Variants in MTA3 observed in about 807,000 individuals in gnomAD.
The protein encoded by MTA3 is metastasis associated 1 family member 3, also known as metastasis-associated protein MTA3.
A neutral mutation model predicts 83.5 loss-of-function variants in MTA3; 34 were observed. The observed-to-expected ratio is 0.41, with a 90% CI of 0.31 to 0.54. MTA3 has a LOEUF of 0.54. MTA3 is among the 20% of genes least tolerant of loss of function. The pLI is 0.33. For synonymous variants in MTA3, 303 were observed against 252.7 expected, an observed-to-expected ratio of 1.20 and a Z score of -1.89; for missense variants, 761 against 726.4, an observed-to-expected ratio of 1.05 and a Z score of -0.55.
At chr2:42,694,364 T>C (rs1693185909) in intron 9 of MTA3, among the ~76,000 whole-genome samples, 1 of 152,098 alleles carries the variant, frequency 6.6e-6, no homozygotes, top group Non-Finnish European at 1.5e-5. Flanking sequence ...TAGGCTGTCT[T>C]CTAAGTTTAC....
chr2:42,616,976 C>T (rs1397460410), intron 4 of MTA3, among the ~76,000 whole-genome samples: 3 of 152,106 alleles, frequency 2.0e-5, no homozygotes, highest in African/African-American at 7.2e-5. Flanking sequence ...GCAAGGGTGG[C>T]TTGTTCTGAG....
chr2:42,624,421 A>C (rs2104213925), intron 4 of MTA3, among the ~76,000 whole-genome samples: 1 of 152,200 alleles, frequency 6.6e-6, no homozygotes, highest in Middle Eastern at 3.4e-3. Context: ...TCCTGGGTTC[A>C]AGCAGTTCTC....
At chr2:42,607,245 G>A (rs1206290223) in intron 3 of MTA3, among the ~76,000 whole-genome samples, 5 of 152,304 alleles carry the variant, frequency 3.3e-5, no homozygotes, top group African/African-American at 1.2e-4. Context: ...TCAGTTAACT[G>A]TAGAGTAGAG....
chr2:42,552,681 G>T (rs1296069744), intron 2 of MTA3, among the ~76,000 whole-genome samples: 1 of 151,994 alleles, frequency 6.6e-6, no homozygotes, highest in Non-Finnish European at 1.5e-5. Flanking sequence ...GCCAGGCGTG[G>T]TGGCTCATGC....
chr2:42,655,074 A>G (rs1689049584), intron 6 of MTA3, among the ~76,000 whole-genome samples: 1 of 152,128 alleles, frequency 6.6e-6, no homozygotes, highest in South Asian at 2.1e-4. Flanking sequence ...TTGTGAAGGA[A>G]CTCTTAAAGG....
chr2:42,640,336 C>T, intron 5 of MTA3, 100 bp downstream of exon 5: 1 of 810,420 alleles, frequency 1.2e-6, no homozygotes, highest in Non-Finnish European at 1.9e-6. Context: ...TATTATTCCA[C>T]CATTATATTA....
chr2:42,543,648 T>A (rs1676623632), intron 2 of MTA3, among the ~76,000 whole-genome samples: 1 of 48,854 alleles, frequency 2.0e-5, no homozygotes, highest in South Asian at 8.2e-4. Flanking sequence ...AGGTTACTGA[T>A]TTTTTTTTTT....
chr2:42,643,045 C>G (rs376328638), intron 5 of MTA3, among the ~76,000 whole-genome samples: 19 of 107,132 alleles, frequency 1.8e-4, no homozygotes, highest in Middle Eastern at 5.1e-3. Flanking sequence ...CCCCCCCCCC[C>G]CTTTTTTTTT....
intron 13 of MTA3, 114 bp from the exon 14 acceptor site, chr2:42,708,760 T>C: frequency 2.7e-6 from 3 of 1,099,370 alleles, no homozygotes; most frequent in South Asian, 3.0e-5. Context: ...AGTGACGTTA[T>C]AGATGCTTCA....
chr2:42,618,868 C>G (rs1286483596), intron 4 of MTA3, among the ~76,000 whole-genome samples: 1 of 152,176 alleles, frequency 6.6e-6, no homozygotes, highest in Non-Finnish European at 1.5e-5. Flanking sequence ...GCCTCGGCCT[C>G]CCAAAGTATT....
At chr2:42,695,694 A>G (rs1573653961) in intron 9 of MTA3, 71 bp from the exon 10 acceptor site, 3 of 621,652 alleles carry the variant, frequency 4.8e-6, no homozygotes, top group Non-Finnish European at 7.9e-6. Context: ...AGTACTTTCT[A>G]TAGTAGCTTA....
At chr2:42,551,883 C>T (rs553236553) in intron 2 of MTA3, among the ~76,000 whole-genome samples, 60 of 152,106 alleles carry the variant, frequency 3.9e-4, no homozygotes, top group Non-Finnish European at 8.1e-4. Flanking sequence ...CCCGCCACCA[C>T]GCCTGGCTAA....
Position 42,754,455 on chromosome 2 carries a change from C to T in MTA3, c.*1056C>T, listed in dbSNP as rs903180774. Reference sequence around the variant, plus strand: ...CCTGCCTGCTCCTTTGGCTTGGGCTCTTCGTGTTTCCCACCTGCCCTCGGC... The same window carrying T: ...CCTGCCTGCTCCTTTGGCTTGGGCTTTTCGTGTTTCCCACCTGCCCTCGGC... On this transcript the variant is annotated 3_prime_UTR_variant, in exon 17 of 17. Coordinates refer to ENST00000405094, the MANE Select transcript of MTA3 (RefSeq NM_001330442.2). 2.0e-6 allele frequency: 2 copies of T among 985,388 alleles called. No individual in the cohort carries two copies. Among genetic ancestry groups the T allele is most frequent in the African/African-American group, 1.7e-5 (1 of 57,230 alleles). The allele number at this position is 985,388 out of a possible 1,614,324, so 61.0% of individuals were successfully genotyped here. A position where few individuals can be genotyped will look rare whatever the true frequency, so the allele number is the denominator to read the frequency against.
At chr2:42,708,751 G>C in intron 13 of MTA3, 123 bp from the exon 14 acceptor site, 2 of 993,548 alleles carry the variant, frequency 2.0e-6, no homozygotes, top group Middle Eastern at 2.7e-4. Context: ...AGTGCACCAA[G>C]TGACGTTATA....
chr2:42,754,634 C>T lies in MTA3; in HGVS notation c.*1235C>T. 1 of 985,484 alleles carries T rather than the reference C, an allele frequency of 1.0e-6. No individual in the cohort carries two copies. Among genetic ancestry groups the T allele is most frequent in the African/African-American group, 1.7e-5 (1 of 57,358 alleles). 61.0% of individuals were successfully genotyped at this position (985,484 alleles called of 1,614,324 possible). ...AACTCCCCTGCCCTCTGTTTGCAGGCACAGGGTCACAGTCCCAAGAAAGAC... is the reference window on the plus strand; with the variant it reads ...AACTCCCCTGCCCTCTGTTTGCAGGTACAGGGTCACAGTCCCAAGAAAGAC... On this transcript the variant is annotated 3_prime_UTR_variant, in exon 17 of 17. Coordinates refer to ENST00000405094, the MANE Select transcript of MTA3 (RefSeq NM_001330442.2).
At chr2:42,539,577 CTTTT>C (rs34577240) in intron 2 of MTA3, among the ~76,000 whole-genome samples, 1 of 96,644 alleles carries the variant, frequency 1.0e-5, no homozygotes, top group African/African-American at 4.0e-5. Context: ...AATTGTAAAG[CTTTT>C]TTTTTTTTTT....
At chr2:42,582,581 A>C (rs538310905) in intron 3 of MTA3, among the ~76,000 whole-genome samples, 2 of 152,234 alleles carry the variant, frequency 1.3e-5, no homozygotes, top group Admixed American at 6.6e-5. Context: ...TGAGGGTAGG[A>C]GTTCGAGATC....
At chr2:42,736,070 G>A (rs778541134) in intron 16 of MTA3, among the ~76,000 whole-genome samples, 7 of 152,108 alleles carry the variant, frequency 4.6e-5, no homozygotes, top group Admixed American at 2.0e-4. Flanking sequence ...TTGTTTGTCC[G>A]CATCCTTCTT....
chr2:42,754,312 C>CT lies in MTA3; in HGVS notation c.*914dup, dbSNP rs1670094294. The CT allele has an allele frequency of 2.0e-6, 2 of 985,442 alleles. No homozygotes were observed. Among genetic ancestry groups the CT allele is most frequent in the Non-Finnish European group, 2.4e-6 (2 of 829,950 alleles). The allele number at this position is 985,442 out of a possible 1,614,324, so 61.0% of individuals were successfully genotyped here. A position where few individuals can be genotyped will look rare whatever the true frequency, so the allele number is the denominator to read the frequency against. ...TTTAAGCAGACAGACTCTGTTTGGC[C>CT]TAGAGGTGTGGAGTGAGAGAACTGT... On this transcript the variant is annotated 3_prime_UTR_variant, in exon 17 of 17. Coordinates refer to ENST00000405094, the MANE Select transcript of MTA3 (RefSeq NM_001330442.2).
Sources: gnomAD v4.1 joint callset for allele counts (sites outside exome capture counted in the v4.1 genomes callset) on GRCh38, gnomAD v4.1.1 for gene constraint, MANE v1.5 for transcripts, NCBI Gene and HGNC (gene_info 2026-07-23, HGNC 2026-07-21) for gene names.